Variants in TDRD1 observed in about 807,000 individuals in gnomAD.
TDRD1 encodes tudor domain-containing protein 1.
Under a neutral mutation model 140.6 loss-of-function variants are expected in TDRD1, and 37 were observed. That is an observed-to-expected ratio of 0.26 (90% CI 0.20 to 0.35). TDRD1 has a LOEUF of 0.35. TDRD1 is among the 10% of genes least tolerant of loss of function. TDRD1 has a pLI of 1.00. For synonymous variants in TDRD1, 506 were observed against 475.7 expected, an observed-to-expected ratio of 1.06 and a Z score of -0.83; for missense variants, 1,243 against 1,393.0, an observed-to-expected ratio of 0.89 and a Z score of 1.71.
chr10:114,231,360 G>A (rs1293043405), intron 25 of TDRD1: 4 of 762,226 alleles, frequency 5.2e-6, no homozygotes, highest in Non-Finnish European at 8.8e-6. Flanking sequence ...TAACTGACAG[G>A]TCTGGCTTAA....
intron 17 of TDRD1, 84 bp downstream of exon 17, chr10:114,217,739 G>A (rs968013186): frequency 1.5e-6 from 1 of 688,308 alleles, no homozygotes; most frequent in Non-Finnish European, 2.5e-6. Flanking sequence ...TTTTCTTAAT[G>A]CTTAAGCAAA....
intron 14 of TDRD1, among the ~76,000 whole-genome samples, chr10:114,212,471 G>A (rs929483827): frequency 1.3e-5 from 2 of 152,146 alleles, no homozygotes; most frequent in Non-Finnish European, 2.9e-5. Context: ...AAGTATGAGA[G>A]AGTCCATTCT....
At chr10:114,228,540 C>T in intron 25 of TDRD1, 1 of 991,018 alleles carries the variant, frequency 1.0e-6, no homozygotes, top group Non-Finnish European at 1.2e-6. Flanking sequence ...CGAGGGGTAT[C>T]TAAAGGGCCA....
At chr10:114,231,038 G>T (rs1042230010) in intron 25 of TDRD1, among the ~76,000 whole-genome samples, 2 of 152,190 alleles carry the variant, frequency 1.3e-5, no homozygotes, top group East Asian at 3.8e-4. Context: ...CTGCACTCCA[G>T]CTTGGGCAAC....
At chr10:114,182,884 C>T (rs1182509853) in intron 1 of TDRD1, among the ~76,000 whole-genome samples, 7 of 152,012 alleles carry the variant, frequency 4.6e-5, no homozygotes, top group Non-Finnish European at 8.8e-5. Flanking sequence ...CGGGGTTTCA[C>T]TGTGTTAGCC....
chr10:114,206,172 C>A (rs2035085911), intron 10 of TDRD1, 72 bp from the exon 11 acceptor site: 5 of 1,178,578 alleles, frequency 4.2e-6, no homozygotes, highest in Non-Finnish European at 6.2e-6. Context: ...TGACTTGTTT[C>A]TTCTTTACGC....
At chr10:114,203,451 T>A in exon 8 of TDRD1, 1 of 1,614,028 alleles carries the variant, frequency 6.2e-7, no homozygotes, top group Non-Finnish European at 8.5e-7. Flanking sequence ...TTCAGAAGTT[T>A]TAGAATACAT....
At chr10:114,176,325 T>C (rs1222856386), upstream of TDRD1, among the ~76,000 whole-genome samples, 2 of 150,232 alleles carry the variant, frequency 1.3e-5, no homozygotes, top group South Asian at 4.2e-4. The surrounding 1 kb of genome is among the most constrained non-coding windows in gnomAD (Gnocchi z 4.2). Flanking sequence ...CTGTAATAAA[T>C]AAATTGCAAG....
chr10:114,228,630 A>G (rs1589722003), intron 25 of TDRD1: 3 of 985,188 alleles, frequency 3.0e-6, no homozygotes, highest in East Asian at 2.3e-4. Context: ...AACAAAACAT[A>G]CTCCCTGCTT....
At chr10:114,192,995 T>C (rs1057485186) in intron 3 of TDRD1, among the ~76,000 whole-genome samples, 1 of 152,260 alleles carries the variant, frequency 6.6e-6, no homozygotes, top group Admixed American at 6.5e-5. Context: ...GGGATTTTCA[T>C]GTGAATTGCA....
exon 15 of TDRD1, chr10:114,213,567 A>G (rs2035622804): frequency 6.2e-7 from 1 of 1,613,876 alleles, no homozygotes; most frequent in Non-Finnish European, 8.5e-7. Context: ...AGATAAACCC[A>G]GTGACGTGAA....
rs577493545 is a variant in TDRD1 at position 114,217,794 on chromosome 10, G to GT, written c.2323+144dup. 1.3e-3 allele frequency: 777 copies of GT among 577,780 alleles called. 9 individuals carry two copies. In the African/African-American group the frequency reaches 0.014, roughly 10 times the overall value. The allele number at this position is 577,780 out of a possible 1,614,324, so 35.8% of individuals were successfully genotyped here. On this transcript the variant is annotated intron_variant, in intron 17 of 25. Coordinates refer to ENST00000251864, the Ensembl canonical transcript of TDRD1. ...TGAATGAATGCTTACAATGTCATGT[G>GT]TTTTTCCTTCTCTTTGTAACAAGGA... is the stretch of plus-strand genomic sequence containing the variant.
chr10:114,182,933 C>T (rs1331091231), intron 1 of TDRD1, among the ~76,000 whole-genome samples: 1 of 152,156 alleles, frequency 6.6e-6, no homozygotes, highest in South Asian at 2.1e-4. Flanking sequence ...ATCCGCCCGC[C>T]TCAGCCTCCC....
At chr10:114,228,385 C>T in intron 25 of TDRD1, 1 of 1,197,192 alleles carries the variant, frequency 8.4e-7, no homozygotes, top group Non-Finnish European at 1.0e-6. Flanking sequence ...TTGTTTGGTT[C>T]TGTGAATGCC....
At chr10:114,220,271 G>A (rs140671264) in intron 18 of TDRD1, among the ~76,000 whole-genome samples, 1 of 152,336 alleles carries the variant, frequency 6.6e-6, no homozygotes, top group African/African-American at 2.4e-5. Flanking sequence ...ATACATAACA[G>A]AACATGATGG....
upstream of TDRD1, among the ~76,000 whole-genome samples, chr10:114,176,940 GA>G (rs1339813699): frequency 2.0e-5 from 3 of 152,126 alleles, no homozygotes; most frequent in Non-Finnish European, 4.4e-5. This position sits in a 1 kb window ranked among gnomAD's most constrained non-coding sequence, Gnocchi z 4.2. Flanking sequence ...CAATATCCCA[GA>G]AAGTAATAAA....
At chr10:114,228,644 G>T (rs1053597634) in intron 25 of TDRD1, 1 of 985,400 alleles carries the variant, frequency 1.0e-6, no homozygotes, top group Non-Finnish European at 1.2e-6. Context: ...CCTGCTTTTG[G>T]CTGTGGTGAT....
intron 25 of TDRD1, among the ~76,000 whole-genome samples, chr10:114,231,217 C>T (rs183924979): frequency 6.6e-4 from 100 of 152,260 alleles, no homozygotes; most frequent in African/African-American, 2.3e-3. Flanking sequence ...GATGTTTCAA[C>T]ACACAAGTTA....
chr10:114,190,569 C>A (rs1439809430), intron 2 of TDRD1, among the ~76,000 whole-genome samples: 1 of 152,208 alleles, frequency 6.6e-6, no homozygotes, highest in Non-Finnish European at 1.5e-5. Context: ...CTCACTGAAA[C>A]CTCCGCCTCC....
Sources: gnomAD v4.1 joint callset for allele counts (sites outside exome capture counted in the v4.1 genomes callset) on GRCh38, gnomAD v4.1.1 for gene constraint, Gnocchi (gnomAD v3.1) non-coding constraint, MANE v1.5 for transcripts, NCBI Gene and HGNC (gene_info 2026-07-23, HGNC 2026-07-21) for gene names.